The following GRAMD4 variants were observed in gnomAD, a reference collection of about 807,000 sequenced individuals.
GRAMD4 encodes GRAM domain-containing protein 4.
Under a neutral mutation model 83.9 loss-of-function variants are expected in GRAMD4, and 25 were observed. That is an observed-to-expected ratio of 0.30 (90% CI 0.22 to 0.42). The LOEUF is 0.42. Ranked by LOEUF, GRAMD4 falls within the 10% of genes least tolerant of loss-of-function variation. The pLI is 1.00. For missense variants in GRAMD4, 593 were observed against 788.7 expected (o/e 0.75, Z 2.97); for synonymous variants, 336 against 320.9 (o/e 1.05, Z -0.50).
upstream of GRAMD4, among the ~76,000 whole-genome samples, chr22:46,616,184 C>CTG (rs1569262455): frequency 8.6e-6 from 1 of 116,232 alleles, no homozygotes. Context: ...GTACGTTCCC[C>CTG]TGTGTGTACG....
chr22:46,668,418 C>T (rs957382241), intron 11 of GRAMD4, among the ~76,000 whole-genome samples: 25 of 152,122 alleles, frequency 1.6e-4, no homozygotes, highest in African/African-American at 3.9e-4. Context: ...GGACGGTGCG[C>T]GAGGGTGGAG....
At position 46,659,446 on chromosome 22, in the gene GRAMD4, C is replaced by T. The variant is rs1390593726; in HGVS notation, c.404+1139C>T. Among the ~76,000 whole-genome samples, 1 of 152,248 alleles carries T rather than the reference C, an allele frequency of 6.6e-6. No individual in the cohort carries two copies. Among genetic ancestry groups the T allele is most frequent in the Non-Finnish European group, 1.5e-5 (1 of 68,046 alleles). ...ACACCTTTGTCTGTGGCCCCCATGA[C>T]CTGCATGGATGGCTGTCACCAGTTA... On this transcript the variant is annotated intron_variant, in intron 4 of 18. Transcript: ENST00000406902. This position sits in a 1 kb window ranked among gnomAD's most constrained non-coding sequence, Gnocchi z 4.1.
At chr22:46,610,189 A>G (rs2081403662) in intron 1 of GRAMD4, among the ~76,000 whole-genome samples, 1 of 152,220 alleles carries the variant, frequency 6.6e-6, no homozygotes, top group Non-Finnish European at 1.5e-5. Context: ...GGATGGTGGC[A>G]AGGCCCACAC....
intron 1 of GRAMD4, among the ~76,000 whole-genome samples, chr22:46,580,823 C>T (rs562016396): frequency 3.3e-5 from 5 of 151,990 alleles, no homozygotes; most frequent in African/African-American, 4.8e-5. Flanking sequence ...AAAAATTAGC[C>T]GGGCGTGTTG....
intron 4 of GRAMD4, among the ~76,000 whole-genome samples, chr22:46,660,129 C>T (rs1428769468): frequency 1.3e-5 from 2 of 152,198 alleles, no homozygotes; most frequent in Admixed American, 6.5e-5. Context: ...TTACCAAAGC[C>T]CCTTGGTGGC....
At chr22:46,635,455 G>GAA (rs1569277239) in intron 2 of GRAMD4, among the ~76,000 whole-genome samples, 4 of 57,584 alleles carry the variant, frequency 6.9e-5, no homozygotes, top group Admixed American at 2.1e-4. Flanking sequence ...GTCCTGGGAG[G>GAA]CCGTGTCCTC....
In GRAMD4 at chr22:46,679,456, C is replaced by T. The variant is rs2082645266; in HGVS notation, c.*2205C>T. 2 of 985,552 alleles carry T rather than the reference C, an allele frequency of 2.0e-6. No homozygotes were observed. The highest frequency in any genetic ancestry group is 1.7e-5 in the African/African-American group (1 of 57,372). 61.1% of individuals were successfully genotyped at this position (985,552 alleles called of 1,614,324 possible). A position where few individuals can be genotyped will look rare whatever the true frequency, so the allele number is the denominator to read the frequency against. ...TCCCTGGAAGTCCTCGGGAGCGGAG[C>T]GCGGATCGGCACGGGCTCTGGGCTC... On this transcript the variant is annotated 3_prime_UTR_variant, in exon 19 of 19. Coordinates refer to ENST00000406902, the MANE Select transcript of GRAMD4 (RefSeq NM_015124.5).
At position 46,610,100 on chromosome 22, in the gene GRAMD4, A is replaced by G. The variant is rs1482248081; in HGVS notation, c.-49-16651A>G. ...CCTTCACCAAGCTTCTTCTGCCCCC[A>G]GGAACTTGGAGACCGTCCAGGCTGC... On this transcript the variant is annotated intron_variant, in intron 1 of 1. Coordinates refer to the GRAMD4 transcript ENST00000431155. 2.0e-5 allele frequency among the ~76,000 whole-genome samples: 3 copies of G among 152,192 alleles called. No individual in the cohort carries two copies. The South Asian group carries it at 6.2e-4, about 32-fold the overall frequency.
chr22:46,636,246 G>A (rs540229978), intron 2 of GRAMD4, among the ~76,000 whole-genome samples: 28 of 152,334 alleles, frequency 1.8e-4, no homozygotes, highest in African/African-American at 6.0e-4. Context: ...CCAGCTTCCA[G>A]CACCTGGGCT....
At chr22:46,623,735 A>G (rs1363222121) in intron 1 of GRAMD4, among the ~76,000 whole-genome samples, 1 of 150,722 alleles carries the variant, frequency 6.6e-6, no homozygotes, top group African/African-American at 2.4e-5. Flanking sequence ...TTCGCGTATT[A>G]GGAAGTGGTC....
chr22:46,591,690 G>C (rs1042530527), intron 1 of GRAMD4, among the ~76,000 whole-genome samples: 2 of 151,940 alleles, frequency 1.3e-5, no homozygotes, highest in African/African-American at 4.8e-5. Flanking sequence ...AAAATTAGCC[G>C]GGTGTGGTGG....
At chr22:46,646,174 C>T (rs1164833187) in intron 3 of GRAMD4, among the ~76,000 whole-genome samples, 4 of 152,230 alleles carry the variant, frequency 2.6e-5, no homozygotes, top group African/African-American at 9.7e-5. Context: ...CACGCCCTGT[C>T]TCTGGGCATG....
intron 1 of GRAMD4, among the ~76,000 whole-genome samples, chr22:46,598,734 C>T (rs972375569): frequency 6.6e-6 from 1 of 151,770 alleles, no homozygotes; most frequent in Admixed American, 6.6e-5. Context: ...CAAGTATACC[C>T]GAAATTGGAA....
intron 3 of GRAMD4, among the ~76,000 whole-genome samples, chr22:46,654,637 C>G (rs77195073): frequency 1.3e-5 from 2 of 152,182 alleles, no homozygotes; most frequent in Non-Finnish European, 2.9e-5. Context: ...CCCAAGTCCC[C>G]GCCTGCCTCC....
intron 11 of GRAMD4, among the ~76,000 whole-genome samples, chr22:46,668,428 G>GC (rs1376086731): frequency 6.6e-6 from 1 of 152,138 alleles, no homozygotes; most frequent in Non-Finnish European, 1.5e-5. Flanking sequence ...CGAGGGTGGA[G>GC]CTCCCCTCCC....
At position 46,587,884 on chromosome 22, in the gene GRAMD4, G is replaced by A. The variant is rs967273649; in HGVS notation, c.-50+10594G>A. 1.8e-5 allele frequency: 18 copies of A among 984,930 alleles called. No homozygotes were observed. In the Admixed American group the frequency reaches 1.8e-4, roughly 10 times the overall value. The allele number at this position is 984,930 out of a possible 1,614,324, so 61.0% of individuals were successfully genotyped here. On this transcript the variant is annotated intron_variant, in intron 1 of 1. Transcript: ENST00000431155. The stretch of plus-strand genomic sequence containing the variant: ...GAAGCCCGGGCGTCGGGGTGGGGCC[G>A]CGGGAGGATGGTACAGGGCTCCTGA...
chr22:46,605,210 C>T (rs1290640783), intron 1 of GRAMD4, among the ~76,000 whole-genome samples: 41 of 124,128 alleles, frequency 3.3e-4, no homozygotes, highest in South Asian at 1.1e-3. Context: ...GCCATAATGT[C>T]CTCTGGGTTC....
exon 1 of GRAMD4, chr22:46,577,181 C>T (rs1210428723): frequency 2.2e-5 from 14 of 639,614 alleles, no homozygotes; most frequent in Non-Finnish European, 2.5e-5. Flanking sequence ...CCTCCCGGCT[C>T]CCCGGCGCCG....
At chr22:46,588,192 C>T (rs2081170090) in intron 1 of GRAMD4, among the ~76,000 whole-genome samples, 1 of 152,076 alleles carries the variant, frequency 6.6e-6, no homozygotes, top group Non-Finnish European at 1.5e-5. Flanking sequence ...CCCAGCCACC[C>T]CATCTGCTTT....
Sources: allele counts gnomAD v4.1 joint callset (sites outside exome capture counted in the v4.1 genomes callset), GRCh38; gene constraint gnomAD v4.1.1; non-coding constraint Gnocchi (gnomAD v3.1); transcripts MANE v1.5; gene names NCBI Gene and HGNC (gene_info 2026-07-23, HGNC 2026-07-21).